PDCD1: variants seen among roughly 807,000 people sequenced by gnomAD.
PDCD1 encodes programmed cell death protein 1.
A neutral mutation model predicts 23.6 loss-of-function variants in PDCD1; 10 were observed. The observed-to-expected ratio is 0.42, with a 90% CI of 0.26 to 0.72. The LOEUF is 0.72. PDCD1 is among the 30% of genes least tolerant of loss of function. The pLI is 0.24. For synonymous variants in PDCD1, 168 were observed against 169.3 expected (o/e 0.99, Z 0.06); for missense variants, 313 against 397.8 (o/e 0.79, Z 1.81).
chr2:241,853,035 G>A lies in PDCD1; in HGVS notation c.77-55C>T, dbSNP rs562813685. On this transcript the variant is annotated intron_variant, in intron 1 of 4. Coordinates refer to ENST00000334409, the MANE Select transcript of PDCD1 (RefSeq NM_005018.3). ...CTGGGTGGCCCCACAAAGCCTCCCC[G>A]GCCACCTGCTCACATCCCTCGGGCA... 6.0e-5 allele frequency: 91 copies of A among 1,514,992 alleles called. No individual in the cohort carries two copies. The African/African-American group carries it at 1.1e-3, about 18-fold the overall frequency. The allele number at this position is 1,514,992 out of a possible 1,614,324, so 93.8% of individuals were successfully genotyped here. A position where few individuals can be genotyped will look rare whatever the true frequency, so the allele number is the denominator to read the frequency against.
chr2:241,851,310 A>G lies in PDCD1; in HGVS notation c.628-13T>C, dbSNP rs1405582178. ...AGGGGTCCTCCTTCTTTGAGGAGAA[A>G]GGGAGAGGGAGTCAGCCCCACGGCC... On this transcript the variant is annotated splice_polypyrimidine_tract_variant and intron_variant, in intron 4 of 4. Coordinates refer to ENST00000334409, the MANE Select transcript of PDCD1 (RefSeq NM_005018.3). 3 of 1,592,800 alleles carry G rather than the reference A, an allele frequency of 1.9e-6. No homozygotes were observed. Among genetic ancestry groups the G allele is most frequent in the East Asian group, 4.5e-5 (2 of 44,558 alleles).
chr2:241,856,275 A>C (rs922269913), intron 1 of PDCD1, among the ~76,000 whole-genome samples: 2 of 151,864 alleles, frequency 1.3e-5, no homozygotes, highest in African/African-American at 2.4e-5. Flanking sequence ...CTCAGAGCAC[A>C]GGGGAGCCGA....
At position 241,851,962 on chromosome 2, in the gene PDCD1, G is replaced by C. The variant is rs1182101119; in HGVS notation, c.614C>G (p.Thr205Ser). The C allele has an allele frequency of 6.2e-7, 1 of 1,613,724 alleles. No individual in the cohort carries two copies. ...AGTGAGACTCACCAGGGGCTGGCCG[G>C]TGCGCCTGGCTCCTATTGTCCCTGC... ...AARGTIGARR[T>S]GQPLKEDPSA... Residue 205 changes from threonine (T) to serine (S), a missense_variant, in exon 4 of 5, where the codon ACC (threonine) becomes AGC (serine). Physicochemically the swap from Thr to Ser is moderately conservative, Grantham distance 58 (BLOSUM62 1). Transcript: ENST00000334409.
chr2:241,850,926 C>T lies in PDCD1; in HGVS notation c.*132G>A, dbSNP rs971886634. On this transcript the variant is annotated 3_prime_UTR_variant, in exon 5 of 5. Transcript: ENST00000334409. The stretch of plus-strand genomic sequence containing the variant: ...CTGGTGCAGGTGCAGGCTGGAGCCC[C>T]GGTCGCCCCCAGGCAGCTCAGCCCC... The T allele has an allele frequency of 1.8e-5, 21 of 1,182,942 alleles. No homozygotes were observed. Among genetic ancestry groups the T allele is most frequent in the Middle Eastern group, 2.9e-4 (1 of 3,406 alleles). The allele number at this position is 1,182,942 out of a possible 1,614,324, so 73.3% of individuals were successfully genotyped here. A position where few individuals can be genotyped will look rare whatever the true frequency, so the allele number is the denominator to read the frequency against.
chr2:241,851,961 G>A lies in PDCD1; in HGVS notation c.615C>T (p.Thr205=), dbSNP rs146821282. Residue 205 remains threonine (T), a synonymous_variant, in exon 4 of 5, where the codon ACC becomes ACT. Coordinates refer to ENST00000334409, the MANE Select transcript of PDCD1 (RefSeq NM_005018.3). ...GAGTGAGACTCACCAGGGGCTGGCC[G>A]GTGCGCCTGGCTCCTATTGTCCCTG... ...AARGTIGARR[T]GQPLKEDPSA... 6.2e-6 allele frequency: 10 copies of A among 1,613,624 alleles called. No homozygotes were observed. In the East Asian group the frequency reaches 8.9e-5, roughly 14 times the overall value.
At position 241,852,610 on chromosome 2, in the gene PDCD1, C is replaced by T. The variant is rs771897483; in HGVS notation, c.436+11G>A. ...CAGCTCACCCCTGCCCCGGGGCCTCCGAGGCCGCACCTGTCACCCTGAGCT... is the reference window on the plus strand; with the variant it reads ...CAGCTCACCCCTGCCCCGGGGCCTCTGAGGCCGCACCTGTCACCCTGAGCT... On this transcript the variant is annotated intron_variant, in intron 2 of 4. Transcript: ENST00000334409. The T allele has an allele frequency of 1.2e-5, 19 of 1,606,202 alleles. No individual in the cohort carries two copies. Among genetic ancestry groups the T allele is most frequent in the Admixed American group, 3.3e-5 (2 of 59,850 alleles).
rs1252729528 is a variant in PDCD1, at chr2:241,852,608, T to G, written c.436+13A>C. On this transcript the variant is annotated intron_variant, in intron 2 of 4. Coordinates refer to ENST00000334409, the MANE Select transcript of PDCD1 (RefSeq NM_005018.3). The stretch of plus-strand genomic sequence containing the variant: ...CTCAGCTCACCCCTGCCCCGGGGCC[T>G]CCGAGGCCGCACCTGTCACCCTGAG... 1 of 1,605,906 alleles carries G rather than the reference T, an allele frequency of 6.2e-7. No individual in the cohort carries two copies. The highest frequency in any genetic ancestry group is 1.3e-5 in the African/African-American group (1 of 74,726).
chr2:241,850,891 G>A lies in PDCD1; in HGVS notation c.*167C>T. On this transcript the variant is annotated 3_prime_UTR_variant, in exon 5 of 5. Coordinates refer to ENST00000334409, the MANE Select transcript of PDCD1 (RefSeq NM_005018.3). ...GGCATTGAGACATGAGTCCTGTGGT[G>A]GGGCTGTGCCTGGTGCAGGTGCAGG... 1 of 787,792 alleles carries A rather than the reference G, an allele frequency of 1.3e-6. No homozygotes were observed. The allele number at this position is 787,792 out of a possible 1,614,324, so 48.8% of individuals were successfully genotyped here.
In PDCD1 at chr2:241,850,956, C is replaced by T. The variant is rs958671540; in HGVS notation, c.*102G>A. The T allele has an allele frequency of 4.5e-4, 656 of 1,444,472 alleles. 4 individuals are homozygous for T. Among genetic ancestry groups the T allele is most frequent in the Non-Finnish European group, 2.9e-4 (310 of 1,079,498 alleles). The allele number at this position is 1,444,472 out of a possible 1,614,324, so 89.5% of individuals were successfully genotyped here. A position where few individuals can be genotyped will look rare whatever the true frequency, so the allele number is the denominator to read the frequency against. ...GCCCCCAGGCAGCTCAGCCCCTGGA[C>T]GGCCTGCAATGGCCTGCACCCTGCC... On this transcript the variant is annotated 3_prime_UTR_variant, in exon 5 of 5. Transcript: ENST00000334409.
chr2:241,858,880 C>T lies in PDCD1; in HGVS notation c.-42G>A, dbSNP rs765165717. On this transcript the variant is annotated 5_prime_UTR_variant, in exon 1 of 5. Coordinates refer to ENST00000334409, the MANE Select transcript of PDCD1 (RefSeq NM_005018.3). ...CCAGAGTGCCGCCTTCTCCACTGCT[C>T]AGGCGGAGGTGAGCGGAAGGGAAAC... 2.0e-6 allele frequency: 3 copies of T among 1,511,866 alleles called. No individual in the cohort carries two copies. Among genetic ancestry groups the T allele is most frequent in the African/African-American group, 1.4e-5 (1 of 72,506 alleles). The allele number at this position is 1,511,866 out of a possible 1,614,324, so 93.7% of individuals were successfully genotyped here.
intron 1 of PDCD1, among the ~76,000 whole-genome samples, chr2:241,857,873 T>G (rs1244389186): frequency 6.6e-6 from 1 of 152,048 alleles, no homozygotes; most frequent in African/African-American, 2.4e-5. Flanking sequence ...CCAGAGGGAC[T>G]GTCTTAGGCT....
chr2:241,856,055 C>T (rs79676877), intron 1 of PDCD1, among the ~76,000 whole-genome samples: 2 of 152,288 alleles, frequency 1.3e-5, no homozygotes, highest in East Asian at 3.9e-4. Flanking sequence ...GTCACCCGTG[C>T]AGAGATGAAG....
At chr2:241,858,188 A>G (rs1387174352) in intron 1 of PDCD1, among the ~76,000 whole-genome samples, 6 of 152,216 alleles carry the variant, frequency 3.9e-5, no homozygotes, top group African/African-American at 1.4e-4. Context: ...AACTGTCCTC[A>G]CTCGAACAGG....
At position 241,857,789 on chromosome 2, in the gene PDCD1, G is replaced by A. The variant is rs552271984; in HGVS notation, c.76+974C>T. Among the ~76,000 whole-genome samples, 6 of 152,302 alleles carry A rather than the reference G, an allele frequency of 3.9e-5. No homozygotes were observed. In the South Asian group the frequency reaches 8.3e-4, roughly 21 times the overall value. ...ACCCCCGGGGCAGGAGCCTCGAGGG[G>A]GTGTCAGGGCGGCCCCAGGGGTGCC... is the stretch of plus-strand genomic sequence containing the variant. On this transcript the variant is annotated intron_variant, in intron 1 of 4. Coordinates refer to ENST00000334409, the MANE Select transcript of PDCD1 (RefSeq NM_005018.3).
intron 1 of PDCD1, among the ~76,000 whole-genome samples, chr2:241,854,727 G>A (rs1268875676): frequency 2.0e-5 from 3 of 152,106 alleles, no homozygotes; most frequent in Non-Finnish European, 4.4e-5. Context: ...CCCCACCACC[G>A]CAGGCAGCCC....
At position 241,850,652 on chromosome 2, in the gene PDCD1, C is replaced by T. The variant is rs1221744244; in HGVS notation, c.*406G>A. ...TGGCTGCTCCAAGGCCATCTCCAAC[C>T]AGCCCCCAAGTTCAGGCAGGAGGCT... is the stretch of plus-strand genomic sequence containing the variant. On this transcript the variant is annotated 3_prime_UTR_variant, in exon 5 of 5. Transcript: ENST00000334409. The T allele has an allele frequency of 2.1e-6, 1 of 479,482 alleles. No individual in the cohort carries two copies. Among genetic ancestry groups the T allele is most frequent in the Non-Finnish European group, 3.9e-6 (1 of 257,700 alleles). The allele number at this position is 479,482 out of a possible 1,614,324, so 29.7% of individuals were successfully genotyped here.
intron 1 of PDCD1, among the ~76,000 whole-genome samples, chr2:241,857,849 G>C (rs1413283649): frequency 6.6e-6 from 1 of 152,098 alleles, no homozygotes; most frequent in Non-Finnish European, 1.5e-5. Context: ...TCACACCCCG[G>C]TACCCAGCAG....
intron 1 of PDCD1, among the ~76,000 whole-genome samples, chr2:241,854,923 G>A (rs1157943127): frequency 6.6e-6 from 1 of 152,200 alleles, no homozygotes; most frequent in Non-Finnish European, 1.5e-5. Context: ...TGTCCACACC[G>A]CAATGTCCCT....
intron 1 of PDCD1, among the ~76,000 whole-genome samples, chr2:241,854,056 G>A (rs1286573781): frequency 2.0e-5 from 3 of 152,194 alleles, no homozygotes; most frequent in Non-Finnish European, 4.4e-5. Context: ...TGCTGCCCTC[G>A]TGTCCCTGCA....
Sources: gnomAD v4.1 joint callset for allele counts (sites outside exome capture counted in the v4.1 genomes callset) on GRCh38, gnomAD v4.1.1 for gene constraint, MANE v1.5 for transcripts, NCBI Gene and HGNC (gene_info 2026-07-23, HGNC 2026-07-21) for gene names.